Variants in GALNT10 observed in about 807,000 individuals in gnomAD.
GALNT10 encodes the protein GalNAc transferase 10.
In GALNT10, 41 loss-of-function variants were observed where a neutral mutation model predicts 75.0. The ratio of observed to expected loss-of-function variants is 0.55; its 90% CI spans 0.43 to 0.71. The LOEUF is 0.71. Among genes scored for constraint, GALNT10 ranks in the 30% least tolerant of loss-of-function variants. The pLI is 0.00. For synonymous variants in GALNT10, 302 were observed against 313.0 expected, an observed-to-expected ratio of 0.96 and a Z score of 0.37; for missense variants, 727 against 818.5, an observed-to-expected ratio of 0.89 and a Z score of 1.36.
intron 6 of GALNT10, among the ~76,000 whole-genome samples, chr5:154,383,351 T>A (rs1456790406): frequency 6.6e-6 from 1 of 152,200 alleles, no homozygotes; most frequent in Non-Finnish European, 1.5e-5. Flanking sequence ...CCACTTTCAG[T>A]AATAGCTTAT....
At chr5:154,385,871 T>A (rs6870010) in intron 6 of GALNT10, among the ~76,000 whole-genome samples, 1 of 152,082 alleles carries the variant, frequency 6.6e-6, no homozygotes, top group South Asian at 2.1e-4. Flanking sequence ...CCCGCAAGGA[T>A]TGTTTCAGCA....
intron 1 of GALNT10, among the ~76,000 whole-genome samples, chr5:154,275,629 C>T (rs1372656332): frequency 6.6e-6 from 1 of 152,194 alleles, no homozygotes; most frequent in Admixed American, 6.5e-5. Flanking sequence ...GGTGGGTCAG[C>T]AGGGGCCACA....
intron 8 of GALNT10, among the ~76,000 whole-genome samples, chr5:154,406,589 G>A (rs1193342782): frequency 6.6e-6 from 1 of 152,190 alleles, no homozygotes; most frequent in Non-Finnish European, 1.5e-5. Flanking sequence ...CTGAGGTCAG[G>A]AGTTCAAGAC....
chr5:154,384,662 G>C (rs769100774), intron 6 of GALNT10, among the ~76,000 whole-genome samples: 1 of 152,222 alleles, frequency 6.6e-6, no homozygotes, highest in Non-Finnish European at 1.5e-5. Context: ...GCAGAAATGA[G>C]AGTGAGGGTT....
intron 4 of GALNT10, chr5:154,349,621 T>G (rs988806043): frequency 6.6e-6 from 1 of 152,044 alleles, no homozygotes; most frequent in Non-Finnish European, 1.5e-5. Flanking sequence ...ACCAGCCTGA[T>G]TGGAAACAAA....
Position 154,418,259 on chromosome 5 carries a change from C to T in GALNT10, c.*1287C>T, listed in dbSNP as rs997363308. ...ATGGTCCTTGGTGAAGACCTGCACC[C>T]CTGGAACCTCCCACCATCATCACAA... is the stretch of plus-strand genomic sequence containing the variant. On this transcript the variant is annotated 3_prime_UTR_variant, in exon 12 of 12. Coordinates refer to ENST00000297107, the MANE Select transcript of GALNT10 (RefSeq NM_198321.4). The T allele has an allele frequency of 1.1e-4, 17 of 152,172 alleles. No homozygotes were observed. The highest frequency in any genetic ancestry group is 4.1e-4 in the African/African-American group (17 of 41,420). 9.4% of individuals were successfully genotyped at this position (152,172 alleles called of 1,614,324 possible). A position where few individuals can be genotyped will look rare whatever the true frequency, so the allele number is the denominator to read the frequency against.
In GALNT10 at chr5:154,376,131, T is replaced by A. The variant is rs561239439; in HGVS notation, c.569-146T>A. On this transcript the variant is annotated intron_variant, in intron 4 of 11. Coordinates refer to ENST00000297107, the MANE Select transcript of GALNT10 (RefSeq NM_198321.4). The surrounding 1 kb of genome is among the most constrained non-coding windows in gnomAD (Gnocchi z 4.1). Reference sequence around the variant, plus strand: ...ACACAGGTGATGAGAACACTGCCCTTCTTCTCCCTGTCTGAAAGGTCTAGT... The same window carrying A: ...ACACAGGTGATGAGAACACTGCCCTACTTCTCCCTGTCTGAAAGGTCTAGT... 7.5e-6 allele frequency: 5 copies of A among 664,354 alleles called. No individual in the cohort carries two copies. The highest frequency in any genetic ancestry group is 1.3e-5 in the Non-Finnish European group (5 of 374,576). 41.2% of individuals were successfully genotyped at this position (664,354 alleles called of 1,614,324 possible).
intron 3 of GALNT10, among the ~76,000 whole-genome samples, chr5:154,299,831 A>T (rs1754334334): frequency 7.7e-6 from 1 of 130,432 alleles, no homozygotes. Context: ...CAAATCCCAG[A>T]TTTTTTTTTT....
chr5:154,403,904 G>A, intron 7 of GALNT10, 200 bp from the exon 8 acceptor site: 1 of 649,960 alleles, frequency 1.5e-6, no homozygotes, highest in South Asian at 1.8e-5. Context: ...GTGTGGCAAT[G>A]GTAAGCACTC....
chr5:154,362,965 C>T (rs942453596), intron 4 of GALNT10, among the ~76,000 whole-genome samples: 1 of 152,200 alleles, frequency 6.6e-6, no homozygotes, highest in Non-Finnish European at 1.5e-5. Context: ...TTCTAACCTA[C>T]CAACCGTCCA....
chr5:154,217,196 T>G (rs1043782022), intron 1 of GALNT10, among the ~76,000 whole-genome samples: 27 of 152,132 alleles, frequency 1.8e-4, no homozygotes, highest in Non-Finnish European at 3.5e-4. Context: ...TTCCACCCTC[T>G]CCGTCTGTCT....
At chr5:154,297,561 G>C (rs143923457) in intron 2 of GALNT10, among the ~76,000 whole-genome samples, 183 of 152,302 alleles carry the variant, frequency 1.2e-3, no homozygotes, top group African/African-American at 4.3e-3. Flanking sequence ...CTCACAGATG[G>C]TGGACCTAGC....
intron 1 of GALNT10, among the ~76,000 whole-genome samples, chr5:154,240,896 T>C (rs1753325632): frequency 6.6e-6 from 1 of 152,178 alleles, no homozygotes; most frequent in South Asian, 2.1e-4. Flanking sequence ...GCCTCAAGTG[T>C]CCTCATTTGT....
intron 4 of GALNT10, among the ~76,000 whole-genome samples, chr5:154,346,600 G>A (rs1048461074): frequency 6.6e-6 from 1 of 152,204 alleles, no homozygotes; most frequent in South Asian, 2.1e-4. Context: ...AATGTGCTGT[G>A]TCTGTAGCTA....
chr5:154,380,045 A>G (rs564219467), intron 5 of GALNT10, among the ~76,000 whole-genome samples: 1 of 152,346 alleles, frequency 6.6e-6, no homozygotes, highest in South Asian at 2.1e-4. Flanking sequence ...GCCTCGCAGG[A>G]CTAGAGCAGG....
At chr5:154,364,679 AT>A (rs887050098) in intron 4 of GALNT10, among the ~76,000 whole-genome samples, 3 of 151,900 alleles carry the variant, frequency 2.0e-5, no homozygotes, top group Non-Finnish European at 2.9e-5. Context: ...AAGTGGAAGG[AT>A]TTTTTTTTCT....
chr5:154,270,139 T>G (rs1013706248), intron 1 of GALNT10, among the ~76,000 whole-genome samples: 3 of 151,848 alleles, frequency 2.0e-5, no homozygotes, highest in Admixed American at 2.0e-4. Context: ...TAAATGCATG[T>G]CAGCTATCTG....
chr5:154,293,613 A>ATTTTTTTTTTTTTTTTTT (rs1201863629), intron 1 of GALNT10, among the ~76,000 whole-genome samples: 1 of 109,360 alleles, frequency 9.1e-6, no homozygotes, highest in Non-Finnish European at 1.9e-5. Flanking sequence ...ATATATATAT[A>ATTTTTTTTTTTTTTTTTT]TTTTTTTTTT....
intron 1 of GALNT10, among the ~76,000 whole-genome samples, chr5:154,250,505 C>G (rs1404144325): frequency 6.6e-6 from 1 of 152,170 alleles, no homozygotes; most frequent in Non-Finnish European, 1.5e-5. Flanking sequence ...TGCCACTTCT[C>G]TGTACTTAAA....
Sources: allele counts gnomAD v4.1 joint callset (sites outside exome capture counted in the v4.1 genomes callset), GRCh38; gene constraint gnomAD v4.1.1; non-coding constraint Gnocchi (gnomAD v3.1); transcripts MANE v1.5; gene names NCBI Gene and HGNC (gene_info 2026-07-23, HGNC 2026-07-21).